Variants in ATP2B2 observed in about 807,000 individuals in gnomAD.
ATP2B2 encodes ATPase plasma membrane Ca2+ transporting 2.
ATP2B2 carries 15 observed loss-of-function variants against 120.0 expected under a neutral mutation model. The ratio of observed to expected loss-of-function variants is 0.12; its 90% CI spans 0.08 to 0.19. The LOEUF is 0.19. Ranked by LOEUF, ATP2B2 falls within the 10% of genes least tolerant of loss-of-function variation. The pLI, the probability that ATP2B2 is intolerant of heterozygous loss-of-function variation, is 1.00. For synonymous variants in ATP2B2, 694 were observed against 700.3 expected (o/e 0.99, Z 0.14); for missense variants, 1,045 against 1,719.8 (o/e 0.61, Z 6.94).
chr3:10,504,072 G>A (rs900923861), intron 1 of ATP2B2, among the ~76,000 whole-genome samples: 1 of 152,186 alleles, frequency 6.6e-6, no homozygotes. Flanking sequence ...CTGTGCATAT[G>A]TGTGAATTTG....
chr3:10,657,220 A>C (rs1461951509), intron 1 of ATP2B2, among the ~76,000 whole-genome samples: 2 of 152,226 alleles, frequency 1.3e-5, no homozygotes, highest in Non-Finnish European at 2.9e-5. Flanking sequence ...ACGGGGTCAC[A>C]GAAGTTCCAC....
At chr3:10,574,082 T>C (rs1169933166) in intron 2 of ATP2B2, among the ~76,000 whole-genome samples, 1 of 152,192 alleles carries the variant, frequency 6.6e-6, no homozygotes, top group Non-Finnish European at 1.5e-5. Context: ...TTATTGCTTC[T>C]CCCTCTTGTC....
At chr3:10,488,234 T>TATCC (rs1277279094) in intron 1 of ATP2B2, among the ~76,000 whole-genome samples, 3,239 of 107,270 alleles carry the variant, frequency 0.03, 66 homozygotes, top group African/African-American at 0.074. Flanking sequence ...CTCATCCACC[T>TATCC]ATCCATCCAT....
At chr3:10,337,122 C>T (rs1345463839) in intron 22 of ATP2B2, among the ~76,000 whole-genome samples, 3 of 152,200 alleles carry the variant, frequency 2.0e-5, no homozygotes, top group Admixed American at 6.5e-5. Context: ...GTAGAAGGGG[C>T]CATCTCCTGG....
intron 2 of ATP2B2, among the ~76,000 whole-genome samples, chr3:10,429,151 C>T (rs180894393): frequency 6.6e-6 from 1 of 152,296 alleles, no homozygotes; most frequent in East Asian, 1.9e-4. Context: ...CTCCGGGTCT[C>T]CTCTGTCTCC....
chr3:10,650,576 T>C (rs2070431456), intron 1 of ATP2B2, among the ~76,000 whole-genome samples: 1 of 152,192 alleles, frequency 6.6e-6, no homozygotes. Context: ...AGGAACTGAA[T>C]GTTAATCTCC....
chr3:10,354,747 G>C (rs1390548601), intron 14 of ATP2B2, among the ~76,000 whole-genome samples: 1 of 152,234 alleles, frequency 6.6e-6, no homozygotes, highest in Admixed American at 6.5e-5. Context: ...CAGGGAAACC[G>C]AGGGAGGTAA....
At chr3:10,636,409 C>T (rs2070022785) in intron 1 of ATP2B2, among the ~76,000 whole-genome samples, 2 of 152,078 alleles carry the variant, frequency 1.3e-5, no homozygotes, top group Admixed American at 6.6e-5. Flanking sequence ...CTCACTCAGG[C>T]CAAGGGGGCT....
intron 1 of ATP2B2, among the ~76,000 whole-genome samples, chr3:10,463,052 A>C (rs2064565324): frequency 6.6e-6 from 1 of 152,140 alleles, no homozygotes; most frequent in Admixed American, 6.5e-5. Flanking sequence ...CTTTTCCATT[A>C]ATCCAAACCT....
In ATP2B2 at chr3:10,328,730, TTGGGTGCCTGGATGGA is replaced by T; in HGVS notation, c.*68_*83del. Reference sequence around the variant, plus strand: ...TGTTGCTCGTTGCTGCTTGGGTGAGTTGGGTGCCTGGATGGATGGGTGCCCGGAAAGCGGGTGGCAG... The same window carrying T: ...TGTTGCTCGTTGCTGCTTGGGTGAGTTGGGTGCCCGGAAAGCGGGTGGCAG... On this transcript the variant is annotated 3_prime_UTR_variant, in exon 23 of 23. Transcript: ENST00000360273. 1.4e-6 allele frequency: 2 copies of T among 1,399,180 alleles called. No individual in the cohort carries two copies. Among genetic ancestry groups the T allele is most frequent in the South Asian group, 2.8e-5 (2 of 71,900 alleles). 86.7% of individuals were successfully genotyped at this position (1,399,180 alleles called of 1,614,324 possible). A position where few individuals can be genotyped will look rare whatever the true frequency, so the allele number is the denominator to read the frequency against.
intron 1 of ATP2B2, among the ~76,000 whole-genome samples, chr3:10,698,323 T>C (rs2071769802): frequency 6.6e-6 from 1 of 152,172 alleles, no homozygotes; most frequent in Non-Finnish European, 1.5e-5. Flanking sequence ...GATAATGCCT[T>C]CTGGTTGACA....
intron 1 of ATP2B2, among the ~76,000 whole-genome samples, chr3:10,667,116 G>A (rs967335275): frequency 6.6e-6 from 1 of 152,188 alleles, no homozygotes; most frequent in African/African-American, 2.4e-5. Flanking sequence ...TTCTCTGTCT[G>A]GAGAATGAAG....
chr3:10,464,999 C>T (rs2064674020), intron 1 of ATP2B2, among the ~76,000 whole-genome samples: 1 of 152,226 alleles, frequency 6.6e-6, no homozygotes, highest in South Asian at 2.1e-4. Flanking sequence ...CCACCTTCAT[C>T]CTTGGGCCAA....
In ATP2B2 at chr3:10,574,696, T is replaced by C. The variant is rs186605009; in HGVS notation, c.-414-40563A>G. On this transcript the variant is annotated intron_variant, in intron 2 of 21. Coordinates refer to the ATP2B2 transcript ENST00000646379. ...ATATTTAAAAGTAGTAATATCTACT[T>C]GGAATGATCTTTTTAAGATTAAATT... Among the ~76,000 whole-genome samples, 169 of 152,290 alleles carry C rather than the reference T, an allele frequency of 1.1e-3. 1 individual carries two copies. Among genetic ancestry groups the C allele is most frequent in the African/African-American group, 3.9e-3 (164 of 41,560 alleles).
At chr3:10,448,528 C>G (rs868434001) in intron 2 of ATP2B2, among the ~76,000 whole-genome samples, 2 of 152,302 alleles carry the variant, frequency 1.3e-5, no homozygotes, top group Middle Eastern at 3.4e-3. Flanking sequence ...TGTTTTGAGG[C>G]AGAGGACCCA....
At chr3:10,410,874 G>A (rs2062588236) in intron 2 of ATP2B2, 59 bp from the exon 3 acceptor site, 2 of 1,567,916 alleles carry the variant, frequency 1.3e-6, no homozygotes, top group Middle Eastern at 2.1e-4. Flanking sequence ...GGCATGTTCT[G>A]GGAATCTAGG....
At chr3:10,410,289 A>T (rs1319978966) in intron 3 of ATP2B2, among the ~76,000 whole-genome samples, 2 of 152,226 alleles carry the variant, frequency 1.3e-5, no homozygotes, top group Admixed American at 1.3e-4. Flanking sequence ...CCTCATCTTT[A>T]AAATGGGCAT....
chr3:10,531,965 G>A (rs552735625), intron 3 of ATP2B2, among the ~76,000 whole-genome samples: 7 of 152,126 alleles, frequency 4.6e-5, no homozygotes, highest in African/African-American at 1.7e-4. Context: ...TGGCCCTCAT[G>A]TCCTCCTTGG....
At chr3:10,595,017 G>C (rs1559476839) in intron 2 of ATP2B2, among the ~76,000 whole-genome samples, 1 of 152,202 alleles carries the variant, frequency 6.6e-6, no homozygotes, top group Non-Finnish European at 1.5e-5. Context: ...AATGCAATCG[G>C]AGACAGACCA....
Sources: gnomAD v4.1 joint callset for allele counts (sites outside exome capture counted in the v4.1 genomes callset) on GRCh38, gnomAD v4.1.1 for gene constraint, MANE v1.5 for transcripts, NCBI Gene and HGNC (gene_info 2026-07-23, HGNC 2026-07-21) for gene names.